Variants in DLG2 observed in about 807,000 individuals in gnomAD.
The protein encoded by DLG2 is discs large MAGUK scaffold protein 2.
In DLG2, 45 loss-of-function variants were observed where a neutral mutation model predicts 132.5. That is an observed-to-expected ratio of 0.34 (90% CI 0.27 to 0.44). DLG2 has a LOEUF of 0.44. DLG2 is among the 20% of genes least tolerant of loss of function. The probability of loss-of-function intolerance (pLI) is 1.00; values close to 1 mark genes in which losing one functional copy is unlikely to be tolerated. For synonymous variants in DLG2, 424 were observed against 419.6 expected, an observed-to-expected ratio of 1.01 and a Z score of -0.13; for missense variants, 1,045 against 1,196.9, an observed-to-expected ratio of 0.87 and a Z score of 1.87.
At chr11:84,343,418 C>T (rs1056519480) in intron 7 of DLG2, among the ~76,000 whole-genome samples, 1 of 152,208 alleles carries the variant, frequency 6.6e-6, no homozygotes, top group East Asian at 1.9e-4. Context: ...AAGCAAGTCA[C>T]TAGCCTTCTC....
chr11:85,607,539 T>G (rs187509743), intron 2 of DLG2, among the ~76,000 whole-genome samples: 2 of 152,214 alleles, frequency 1.3e-5, no homozygotes, highest in East Asian at 3.8e-4. Flanking sequence ...TAAAAACCAC[T>G]CGCTCTCTCT....
intron 4 of DLG2, among the ~76,000 whole-genome samples, chr11:85,203,585 G>A (rs1185861927): frequency 6.6e-6 from 1 of 152,010 alleles, no homozygotes; most frequent in Non-Finnish European, 1.5e-5. Context: ...AGGACCTGAT[G>A]GCTTCACTGC....
At chr11:85,270,150 G>A (rs1212042536) in intron 4 of DLG2, among the ~76,000 whole-genome samples, 1 of 152,154 alleles carries the variant, frequency 6.6e-6, no homozygotes. Flanking sequence ...ATCTTGAATT[G>A]TAACTCCCAT....
At chr11:84,482,949 A>C (rs1363098239) in intron 7 of DLG2, among the ~76,000 whole-genome samples, 2 of 152,160 alleles carry the variant, frequency 1.3e-5, no homozygotes, top group African/African-American at 4.8e-5. Flanking sequence ...GGAGGAGAAA[A>C]ATGTTGACTA....
chr11:83,906,069 CTCTCTCTCTCTCTATATA>C (rs1467489754), intron 15 of DLG2, among the ~76,000 whole-genome samples: 1 of 105,362 alleles, frequency 9.5e-6, no homozygotes, highest in Non-Finnish European at 1.9e-5. Flanking sequence ...CTCTCTCTCT[CTCTCTCTCTCTCTATATA>C]TATATATATA....
rs1255341324 is a variant in DLG2 at position 84,752,657 on chromosome 11, C to T, written c.358-217926G>A. On this transcript the variant is annotated intron_variant, in intron 6 of 27. Coordinates refer to ENST00000376104, the MANE Select transcript of DLG2 (RefSeq NM_001142699.3). ...TATGTATACATGTGCCATGCTGGTG[C>T]GCTGCACCCACTAACGCGTCATCTA... 5.5e-5 allele frequency among the ~76,000 whole-genome samples: 8 copies of T among 144,812 alleles called. No homozygotes were observed. In the South Asian group the frequency reaches 9.0e-4, roughly 16 times the overall value.
chr11:85,247,356 C>G (rs2076185850), intron 4 of DLG2, among the ~76,000 whole-genome samples: 1 of 151,990 alleles, frequency 6.6e-6, no homozygotes, highest in Admixed American at 6.6e-5. Context: ...CAGGTAAACT[C>G]AAAGCGGGAT....
At chr11:84,684,322 C>A (rs1249266675) in intron 6 of DLG2, among the ~76,000 whole-genome samples, 1 of 152,072 alleles carries the variant, frequency 6.6e-6, no homozygotes, top group African/African-American at 2.4e-5. Flanking sequence ...CCAGCTTGCT[C>A]CCCTTGCACC....
intron 7 of DLG2, among the ~76,000 whole-genome samples, chr11:84,421,941 C>T (rs2098952319): frequency 6.6e-6 from 1 of 152,156 alleles, no homozygotes; most frequent in Non-Finnish European, 1.5e-5. Context: ...TCCTGTGGCT[C>T]CACTCCTTTC....
chr11:84,307,872 A>G (rs980826762), intron 7 of DLG2, among the ~76,000 whole-genome samples: 1 of 150,682 alleles, frequency 6.6e-6, no homozygotes, highest in African/African-American at 2.5e-5. Context: ...CTTCGCGGTG[A>G]GTGTTACAGC....
At chr11:84,545,149 C>T (rs1348618323) in intron 6 of DLG2, 7 of 453,264 alleles carry the variant, frequency 1.5e-5, no homozygotes, top group East Asian at 5.9e-5. Context: ...TTTGCCACTG[C>T]CATGGCTAAT....
Position 85,070,777 on chromosome 11 carries a change from GA to G in DLG2, c.357+40883del, listed in dbSNP as rs1353727823. On this transcript the variant is annotated intron_variant, in intron 6 of 27. Coordinates refer to ENST00000376104, the MANE Select transcript of DLG2 (RefSeq NM_001142699.3). ...CCACCTTTTTCACAGAGCCTGTTCT[GA>G]CTACTCTAGCCCAAGCCATCTTCTT... Among the ~76,000 whole-genome samples, 14 of 151,896 alleles carry G rather than the reference GA, an allele frequency of 9.2e-5. No homozygotes were observed. In the South Asian group the frequency reaches 1.2e-3, roughly 14 times the overall value.
At chr11:85,497,749 G>T (rs1359580328) in intron 3 of DLG2, among the ~76,000 whole-genome samples, 1 of 152,158 alleles carries the variant, frequency 6.6e-6, no homozygotes, top group Non-Finnish European at 1.5e-5. Context: ...AACCCTACAA[G>T]CCAAAAGAGA....
At chr11:84,078,683 T>C (rs1279363512) in intron 10 of DLG2, among the ~76,000 whole-genome samples, 3 of 152,206 alleles carry the variant, frequency 2.0e-5, no homozygotes, top group African/African-American at 4.8e-5. Context: ...AGGTACACCT[T>C]ACTCAATTTA....
chr11:85,548,549 G>A (rs1048092590), intron 3 of DLG2, among the ~76,000 whole-genome samples: 7 of 152,202 alleles, frequency 4.6e-5, no homozygotes, highest in African/African-American at 1.7e-4. Flanking sequence ...CTTCAGAGCT[G>A]CCAGGCAGGG....
At chr11:83,616,618 A>T (rs1252509665) in intron 19 of DLG2, among the ~76,000 whole-genome samples, 1 of 151,802 alleles carries the variant, frequency 6.6e-6, no homozygotes, top group Non-Finnish European at 1.5e-5. Flanking sequence ...CATTCTCTTC[A>T]TGGTGTCTTT....
At chr11:85,117,642 A>AT (rs1295302681) in intron 5 of DLG2, among the ~76,000 whole-genome samples, 3 of 150,912 alleles carry the variant, frequency 2.0e-5, no homozygotes, top group Non-Finnish European at 3.0e-5. Flanking sequence ...GTAAATAGGA[A>AT]TAAAAAAAAA....
intron 21 of DLG2, among the ~76,000 whole-genome samples, chr11:83,523,776 A>T (rs1400517668): frequency 6.6e-6 from 1 of 152,180 alleles, no homozygotes; most frequent in Non-Finnish European, 1.5e-5. Flanking sequence ...TCCTGTAGGT[A>T]GCTACACAAG....
At chr11:83,480,292 A>T in intron 22 of DLG2, 2 of 1,146,454 alleles carry the variant, frequency 1.7e-6, no homozygotes, top group Non-Finnish European at 2.5e-6. Context: ...TTGAAAAACA[A>T]CAACAGAAAT....
Sources: gnomAD v4.1 joint callset for allele counts (sites outside exome capture counted in the v4.1 genomes callset) on GRCh38, gnomAD v4.1.1 for gene constraint, MANE v1.5 for transcripts, NCBI Gene and HGNC (gene_info 2026-07-23, HGNC 2026-07-21) for gene names.